KAZN: variants seen among roughly 807,000 people sequenced by gnomAD.
KAZN encodes kazrin.
KAZN carries 40 observed loss-of-function variants against 87.4 expected under a neutral mutation model. The observed-to-expected ratio is 0.46, with a 90% CI of 0.36 to 0.60. The LOEUF is 0.60. KAZN is among the 20% of genes least tolerant of loss of function. The pLI, the probability that KAZN is intolerant of heterozygous loss-of-function variation, is 0.00. For missense variants in KAZN, 898 were observed against 1,073.9 expected, an observed-to-expected ratio of 0.84 and a Z score of 2.29; for synonymous variants, 466 against 458.3, an observed-to-expected ratio of 1.02 and a Z score of -0.22.
chr1:14,188,331 CCT>C (rs1646355095), intron 2 of KAZN, among the ~76,000 whole-genome samples: 4 of 151,628 alleles, frequency 2.6e-5, no homozygotes, highest in Admixed American at 2.0e-4. Flanking sequence ...AAATAGCTCC[CCT>C]GAGATGTTGC....
intron 1 of KAZN, among the ~76,000 whole-genome samples, chr1:13,909,764 C>T (rs1164811048): frequency 3.3e-5 from 5 of 152,126 alleles, no homozygotes; most frequent in Non-Finnish European, 7.3e-5. Flanking sequence ...CTTCTGCTAG[C>T]CTTATGGAAA....
chr1:14,315,498 C>T (rs1243991664), intron 2 of KAZN, among the ~76,000 whole-genome samples: 2 of 152,082 alleles, frequency 1.3e-5, no homozygotes, highest in African/African-American at 4.8e-5. Flanking sequence ...AGAATCAAGA[C>T]ATAAAACATT....
intron 1 of KAZN, among the ~76,000 whole-genome samples, chr1:14,624,753 C>T (rs1436616105): frequency 1.3e-5 from 2 of 152,142 alleles, no homozygotes; most frequent in Non-Finnish European, 2.9e-5. Context: ...GACCTGGTCA[C>T]TATCTGCAAA....
chr1:14,890,654 G>A (rs927589257), intron 1 of KAZN, among the ~76,000 whole-genome samples: 2 of 152,146 alleles, frequency 1.3e-5, no homozygotes, highest in African/African-American at 2.4e-5. Flanking sequence ...GGGCCCCACG[G>A]CGGATCCACT....
At chr1:14,299,707 C>G (rs750508503) in intron 2 of KAZN, among the ~76,000 whole-genome samples, 6 of 152,116 alleles carry the variant, frequency 3.9e-5, no homozygotes, top group Non-Finnish European at 5.9e-5. Flanking sequence ...GCTGGCGGCA[C>G]CTAGGTAATG....
intron 2 of KAZN, among the ~76,000 whole-genome samples, chr1:14,516,361 C>A (rs1383138368): frequency 6.6e-6 from 1 of 152,196 alleles, no homozygotes; most frequent in South Asian, 2.1e-4. Context: ...ACCGGCAGAT[C>A]AGAGTGGTTT....
chr1:14,314,583 A>C (rs895333388), intron 2 of KAZN, among the ~76,000 whole-genome samples: 2 of 152,110 alleles, frequency 1.3e-5, no homozygotes, highest in Non-Finnish European at 2.9e-5. Flanking sequence ...CACTCTACGC[A>C]GTTCTCAATC....
At chr1:14,615,967 A>G (rs1236598840) in intron 1 of KAZN, among the ~76,000 whole-genome samples, 2 of 152,202 alleles carry the variant, frequency 1.3e-5, no homozygotes, top group Non-Finnish European at 2.9e-5. Context: ...TGGCTTGAGC[A>G]GAGGTGATGT....
chr1:14,740,492 C>T lies in KAZN; in HGVS notation c.226+141269C>T, dbSNP rs186561479. On this transcript the variant is annotated intron_variant, in intron 1 of 14. Transcript: ENST00000376030. Reference sequence around the variant, plus strand: ...TCTGGATTATGACAGCTGCCAACTGCTGCCTTGCTAAAAGTCTCGCCCACC... The same window carrying T: ...TCTGGATTATGACAGCTGCCAACTGTTGCCTTGCTAAAAGTCTCGCCCACC... Among the ~76,000 whole-genome samples the T allele has an allele frequency of 4.6e-5, 7 of 152,288 alleles. No homozygotes were observed. In the East Asian group the frequency reaches 1.4e-3, roughly 29 times the overall value.
At chr1:14,674,183 ATCT>A (rs1640081053) in intron 1 of KAZN, among the ~76,000 whole-genome samples, 1 of 152,178 alleles carries the variant, frequency 6.6e-6, no homozygotes, top group South Asian at 2.1e-4. Flanking sequence ...TCTGACTCTG[ATCT>A]TCTGGCTTCT....
intron 1 of KAZN, among the ~76,000 whole-genome samples, chr1:14,055,346 C>G (rs578213983): frequency 6.6e-6 from 1 of 152,286 alleles, no homozygotes; most frequent in South Asian, 2.1e-4. Flanking sequence ...GGGAAGGGCT[C>G]TGACACATGA....
chr1:14,785,045 G>A (rs561966490), intron 1 of KAZN, among the ~76,000 whole-genome samples: 3 of 151,686 alleles, frequency 2.0e-5, no homozygotes, highest in East Asian at 3.9e-4. Context: ...ATGTAAGCAC[G>A]GGGGTGCATA....
Position 14,285,028 on chromosome 1 carries a change from A to T in KAZN, c.249+104436A>T, listed in dbSNP as rs1228613031. Among the ~76,000 whole-genome samples the T allele has an allele frequency of 2.0e-5, 3 of 152,186 alleles. No individual in the cohort carries two copies. In the East Asian group the frequency reaches 5.8e-4, roughly 29 times the overall value. ...TTCCTCCCCCTGGGTTGCTGAAAGT[A>T]AAAAATGCAACAACACTAAATACTC... On this transcript the variant is annotated intron_variant, in intron 2 of 16. Transcript: ENST00000636203.
intron 1 of KAZN, among the ~76,000 whole-genome samples, chr1:14,921,147 G>A (rs967886083): frequency 3.6e-5 from 4 of 111,140 alleles, no homozygotes; most frequent in African/African-American, 1.4e-4. Flanking sequence ...CTGGGCCTGA[G>A]CATGCAACAC....
In KAZN at chr1:14,850,664, A is replaced by C. The variant is rs544471222; in HGVS notation, c.227-110020A>C. Reference sequence around the variant, plus strand: ...GGGGCCACATCTTTTTTGCAGCTCCAGCACCCAGCATTCTGTGTGGCACAG... The same window carrying C: ...GGGGCCACATCTTTTTTGCAGCTCCCGCACCCAGCATTCTGTGTGGCACAG... On this transcript the variant is annotated intron_variant, in intron 1 of 14. Transcript: ENST00000376030. 2.5e-4 allele frequency among the ~76,000 whole-genome samples: 38 copies of C among 152,280 alleles called. 2 individuals carry two copies. The East Asian group carries it at 6.6e-3, about 26-fold the overall frequency.
intron 2 of KAZN, among the ~76,000 whole-genome samples, chr1:14,548,723 A>T (rs949958464): frequency 6.6e-6 from 1 of 152,134 alleles, no homozygotes; most frequent in Admixed American, 6.6e-5. Flanking sequence ...GAATACACCA[A>T]GTTTACTTAT....
At chr1:14,258,238 C>T (rs1463291440) in intron 2 of KAZN, among the ~76,000 whole-genome samples, 7 of 130,916 alleles carry the variant, frequency 5.3e-5, no homozygotes, top group African/African-American at 2.2e-4. Flanking sequence ...TTTTTTGAGA[C>T]AGAGTCTTTC....
intron 1 of KAZN, among the ~76,000 whole-genome samples, chr1:14,071,003 G>C (rs1643227817): frequency 6.6e-6 from 1 of 152,102 alleles, no homozygotes; most frequent in African/African-American, 2.4e-5. Flanking sequence ...GAGTCTCCCT[G>C]ACTGCAGCCC....
At chr1:13,938,168 A>G (rs1198881734) in intron 1 of KAZN, among the ~76,000 whole-genome samples, 1 of 152,158 alleles carries the variant, frequency 6.6e-6, no homozygotes, top group African/African-American at 2.4e-5. Flanking sequence ...ATGAGCATGG[A>G]AGTTTTTTTC....
Sources: gnomAD v4.1 joint callset for allele counts (sites outside exome capture counted in the v4.1 genomes callset) on GRCh38, gnomAD v4.1.1 for gene constraint, MANE v1.5 for transcripts, NCBI Gene and HGNC (gene_info 2026-07-23, HGNC 2026-07-21) for gene names.